The following RIMS2 variants were observed in gnomAD, a reference collection of about 807,000 sequenced individuals.
The protein encoded by RIMS2 is regulating synaptic membrane exocytosis protein 2.
A neutral mutation model predicts 174.4 loss-of-function variants in RIMS2; 59 were observed. The ratio of observed to expected loss-of-function variants is 0.34; its 90% CI spans 0.27 to 0.42. The LOEUF (loss-of-function observed/expected upper bound fraction) is 0.42. Ranked by LOEUF, RIMS2 falls within the 10% of genes least tolerant of loss-of-function variation. The probability of loss-of-function intolerance (pLI) is 1.00; values close to 1 mark genes in which losing one functional copy is unlikely to be tolerated. For missense variants in RIMS2, 1,620 were observed against 1,666.3 expected, an observed-to-expected ratio of 0.97 and a Z score of 0.48; for synonymous variants, 606 against 572.5, an observed-to-expected ratio of 1.06 and a Z score of -0.84.
chr8:103,696,003 G>A (rs1184209750), intron 1 of RIMS2, among the ~76,000 whole-genome samples: 1 of 151,962 alleles, frequency 6.6e-6, no homozygotes, highest in African/African-American at 2.4e-5. Context: ...TTAATTTGTT[G>A]TCTCTCATTA....
intron 19 of RIMS2, among the ~76,000 whole-genome samples, chr8:104,017,561 CT>C (rs2095953678): frequency 6.6e-6 from 1 of 151,910 alleles, no homozygotes; most frequent in African/African-American, 2.4e-5. Flanking sequence ...GTCATTTTCT[CT>C]TTTTCTAGAA....
intron 3 of RIMS2, among the ~76,000 whole-genome samples, chr8:103,874,965 T>A (rs1319749330): frequency 6.6e-6 from 1 of 152,044 alleles, no homozygotes; most frequent in East Asian, 1.9e-4. Context: ...TTTTTTTGTT[T>A]GTTTGTTTGT....
At chr8:103,896,126 G>T (rs2099276275) in intron 4 of RIMS2, among the ~76,000 whole-genome samples, 1 of 151,524 alleles carries the variant, frequency 6.6e-6, no homozygotes, top group Admixed American at 6.6e-5. Flanking sequence ...TTATTTCCAT[G>T]GTCTTCCTGT....
At chr8:103,857,548 A>T (rs936632286) in intron 3 of RIMS2, among the ~76,000 whole-genome samples, 3 of 152,134 alleles carry the variant, frequency 2.0e-5, no homozygotes, top group African/African-American at 7.2e-5. Context: ...TAGGATATGT[A>T]TGTATATGCA....
chr8:103,630,598 A>G (rs4734724), intron 1 of RIMS2, among the ~76,000 whole-genome samples: 9,411 of 150,206 alleles, frequency 0.063, 379 homozygotes, highest in South Asian at 0.086. Flanking sequence ...AAAAAAAAAA[A>G]AAAGAAACAA....
At chr8:103,536,514 C>A (rs1758563552) in intron 1 of RIMS2, among the ~76,000 whole-genome samples, 1 of 152,136 alleles carries the variant, frequency 6.6e-6, no homozygotes, top group Admixed American at 6.5e-5. Context: ...TAATTAACCT[C>A]ATGGTTCCTC....
chr8:104,176,999 C>A (rs1257116387), intron 19 of RIMS2, among the ~76,000 whole-genome samples: 1 of 151,974 alleles, frequency 6.6e-6, no homozygotes, highest in Non-Finnish European at 1.5e-5. Context: ...GGTCAGCAGA[C>A]ACGTGTATAG....
intron 16 of RIMS2, among the ~76,000 whole-genome samples, chr8:103,980,788 G>A (rs959477195): frequency 6.6e-6 from 1 of 152,124 alleles, no homozygotes; most frequent in African/African-American, 2.4e-5. Flanking sequence ...GTGGCCTGAC[G>A]GAACCCCCTT....
At chr8:103,930,033 C>A (rs756306385) in intron 11 of RIMS2, among the ~76,000 whole-genome samples, 8 of 151,926 alleles carry the variant, frequency 5.3e-5, no homozygotes, top group Non-Finnish European at 1.0e-4. Flanking sequence ...TGAGATAATA[C>A]TGACATGGAA....
chr8:104,115,055 C>T (rs2098258137), intron 19 of RIMS2, among the ~76,000 whole-genome samples: 1 of 151,964 alleles, frequency 6.6e-6, no homozygotes, highest in Non-Finnish European at 1.5e-5. Context: ...TGTAAGAGTA[C>T]TGATCTGAAG....
chr8:103,867,256 G>T (rs1426821245), intron 3 of RIMS2, among the ~76,000 whole-genome samples: 1 of 151,692 alleles, frequency 6.6e-6, no homozygotes, highest in African/African-American at 2.4e-5. Flanking sequence ...TATAAATTGT[G>T]TCAACTGAAA....
At chr8:103,711,400 G>T (rs972972524) in intron 2 of RIMS2, among the ~76,000 whole-genome samples, 9 of 152,152 alleles carry the variant, frequency 5.9e-5, no homozygotes, top group Admixed American at 2.6e-4. Flanking sequence ...ATTGTTTTTA[G>T]AATTAGAATT....
chr8:103,589,804 T>TTA (rs1006605772), intron 1 of RIMS2, among the ~76,000 whole-genome samples: 3 of 151,500 alleles, frequency 2.0e-5, no homozygotes, highest in African/African-American at 7.3e-5. Context: ...CTGGAGATCA[T>TTA]TATGTTAAGT....
chr8:104,154,701 GGT>G (rs1373811153), intron 19 of RIMS2, among the ~76,000 whole-genome samples: 1 of 152,112 alleles, frequency 6.6e-6, no homozygotes, highest in African/African-American at 2.4e-5. Context: ...TGTAACCTGT[GGT>G]CACTCAGGCA....
chr8:103,938,951 A>G (rs2081937722), intron 13 of RIMS2, among the ~76,000 whole-genome samples: 1 of 152,168 alleles, frequency 6.6e-6, no homozygotes, highest in African/African-American at 2.4e-5. Flanking sequence ...GGTCTTGGGC[A>G]GCTCTACCCC....
chr8:103,578,199 A>G (rs1224955094), intron 1 of RIMS2, among the ~76,000 whole-genome samples: 1 of 152,224 alleles, frequency 6.6e-6, no homozygotes, highest in African/African-American at 2.4e-5. Flanking sequence ...GGTCAAGGAC[A>G]AAGAGAGGAT....
chr8:104,169,340 A>ATATATAT (rs1491155725), intron 19 of RIMS2, among the ~76,000 whole-genome samples: 26 of 33,134 alleles, frequency 7.8e-4, no homozygotes, highest in South Asian at 4.1e-3. Context: ...ATATATATAT[A>ATATATAT]AAACAGATTC....
intron 19 of RIMS2, among the ~76,000 whole-genome samples, chr8:104,021,004 A>ATAT (rs1333474019): frequency 2.0e-5 from 3 of 152,032 alleles, no homozygotes; most frequent in African/African-American, 7.2e-5. Flanking sequence ...TTGATTTAGA[A>ATAT]TATTAGCATT....
rs773011122 is a variant in RIMS2 at position 104,148,734 on chromosome 8, GTGGGCACCT to G, written c.3335-96173_3335-96165del. 8 of 1,598,302 alleles carry G rather than the reference GTGGGCACCT, an allele frequency of 5.0e-6. No individual in the cohort carries two copies. In the African/African-American group the frequency reaches 1.1e-4, roughly 21 times the overall value. ...TGATGGCAGCCAGTCTGACACTGCA[GTGGGCACCT>G]TGGGCACCAGTGGCAAAAAGCGGCG... On this transcript the variant is annotated intron_variant, in intron 19 of 23. Coordinates refer to ENST00000504942, the Ensembl canonical transcript of RIMS2.
Sources: allele counts gnomAD v4.1 joint callset (sites outside exome capture counted in the v4.1 genomes callset), GRCh38; gene constraint gnomAD v4.1.1; transcripts MANE v1.5; gene names NCBI Gene and HGNC (gene_info 2026-07-23, HGNC 2026-07-21).